The following PDIA3 variants were observed in gnomAD, a reference collection of about 807,000 sequenced individuals.
PDIA3 encodes protein disulfide isomerase family A member 3.
A neutral mutation model predicts 56.9 loss-of-function variants in PDIA3; 16 were observed. The observed-to-expected ratio is 0.28, with a 90% CI of 0.19 to 0.43. The LOEUF is 0.43. Among genes scored for constraint, PDIA3 ranks in the 20% least tolerant of loss-of-function variants. The pLI, the probability that PDIA3 is intolerant of heterozygous loss-of-function variation, is 1.00. For missense variants in PDIA3, 485 were observed against 621.3 expected (o/e 0.78, Z 2.33); for synonymous variants, 192 against 216.5 (o/e 0.89, Z 0.99).
In PDIA3 at chr15:43,769,404, G is replaced by A. The variant is rs1402203484; in HGVS notation, c.1138-114G>A. On this transcript the variant is annotated intron_variant, in intron 9 of 12. Coordinates refer to ENST00000300289, the MANE Select transcript of PDIA3 (RefSeq NM_005313.5). ...CTGTAAATGTGATTTGGGTTTCCAT[G>A]ACTTATTTTCTGTGGTAACACATCA... 3.1e-6 allele frequency: 3 copies of A among 969,368 alleles called. No homozygotes were observed. In the African/African-American group the frequency reaches 4.8e-5, roughly 16 times the overall value. The allele number at this position is 969,368 out of a possible 1,614,324, so 60.0% of individuals were successfully genotyped here.
chr15:43,759,221 C>T (rs1327626911), intron 3 of PDIA3, among the ~76,000 whole-genome samples: 8 of 151,966 alleles, frequency 5.3e-5, no homozygotes, highest in African/African-American at 1.7e-4. Context: ...ACCCTGGAGG[C>T]GGAGCTTGCA....
chr15:43,761,417 T>G lies in PDIA3; in HGVS notation c.365-7T>G. On this transcript the variant is annotated splice_region_variant and splice_polypyrimidine_tract_variant and intron_variant, in intron 3 of 12. Coordinates refer to ENST00000300289, the MANE Select transcript of PDIA3 (RefSeq NM_005313.5). ...GTGTTGTCATAACTTTTATTTTGAC[T>G]TCTAAGATGGAATTGTCAGCCACTT... is the stretch of plus-strand genomic sequence containing the variant. The G allele has an allele frequency of 6.7e-7, 1 of 1,498,626 alleles. No individual in the cohort carries two copies. The allele number at this position is 1,498,626 out of a possible 1,614,324, so 92.8% of individuals were successfully genotyped here.
At chr15:43,757,837 G>A (rs183847366) in intron 3 of PDIA3, among the ~76,000 whole-genome samples, 48 of 152,032 alleles carry the variant, frequency 3.2e-4, no homozygotes, top group Admixed American at 2.2e-3. Flanking sequence ...ACTCCAGCCT[G>A]GGCAACAGAG....
intron 4 of PDIA3, among the ~76,000 whole-genome samples, chr15:43,762,511 C>CAA (rs767755194): frequency 4.8e-4 from 27 of 55,934 alleles, no homozygotes; most frequent in African/African-American, 1.3e-3. Context: ...AACTCTGTCG[C>CAA]AAAAAAAAAA....
chr15:43,746,862 C>T (rs1227830576), intron 1 of PDIA3, 156 bp downstream of exon 1: 6 of 841,298 alleles, frequency 7.1e-6, no homozygotes, highest in African/African-American at 6.8e-5. Context: ...CTGGAGGCGC[C>T]TCGCCGAGAG....
intron 2 of PDIA3, among the ~76,000 whole-genome samples, 192 bp from the exon 3 acceptor site, chr15:43,756,457 A>G (rs1442442025): frequency 6.6e-6 from 1 of 152,226 alleles, no homozygotes; most frequent in Non-Finnish European, 1.5e-5. Flanking sequence ...TCAATTTTAA[A>G]GAATTCCTTA....
In PDIA3 at chr15:43,758,671, G is replaced by T. The variant is rs1483493849; in HGVS notation, c.364+1905G>T. Among the ~76,000 whole-genome samples the T allele has an allele frequency of 3.8e-5, 3 of 79,922 alleles. No individual in the cohort carries two copies. The Admixed American group carries it at 4.0e-4, about 11-fold the overall frequency. The allele number at this position is 79,922 out of a possible 152,430, so 52.4% of individuals were successfully genotyped here. On this transcript the variant is annotated intron_variant, in intron 3 of 12. Transcript: ENST00000300289. Reference sequence around the variant, plus strand: ...AGACTCCGTCTCAAAAAAAAAAAAAGATTGAAAAAATTAAAAATAGAAGGC... The same window carrying T: ...AGACTCCGTCTCAAAAAAAAAAAAATATTGAAAAAATTAAAAATAGAAGGC...
intron 2 of PDIA3, 98 bp from the exon 3 acceptor site, chr15:43,756,551 C>T (rs763437441): frequency 1.2e-5 from 9 of 727,188 alleles, no homozygotes; most frequent in African/African-American, 3.5e-5. Context: ...ATTCCTTGAT[C>T]CCCTTAGGAT....
chr15:43,766,397 A>G (rs1381658556), intron 7 of PDIA3, among the ~76,000 whole-genome samples: 1 of 152,226 alleles, frequency 6.6e-6, no homozygotes, highest in Non-Finnish European at 1.5e-5. Flanking sequence ...GCTTACTTGC[A>G]CATTGAGCCT....
chr15:43,749,761 C>A (rs540042113), intron 1 of PDIA3, among the ~76,000 whole-genome samples: 22 of 152,146 alleles, frequency 1.4e-4, no homozygotes, highest in East Asian at 9.7e-4. Context: ...GCAGCATGGC[C>A]AGACCCCATC....
chr15:43,767,544 G>A (rs751206778), intron 8 of PDIA3, among the ~76,000 whole-genome samples: 3 of 151,366 alleles, frequency 2.0e-5, no homozygotes, highest in Non-Finnish European at 4.4e-5. Context: ...TTGGGAGGCC[G>A]AGGCATGTGG....
chr15:43,753,458 T>C (rs1381088953), intron 1 of PDIA3, among the ~76,000 whole-genome samples: 1 of 152,236 alleles, frequency 6.6e-6, no homozygotes, highest in Non-Finnish European at 1.5e-5. Context: ...ATTTCTATTT[T>C]GTCCTTCATT....
intron 3 of PDIA3, among the ~76,000 whole-genome samples, chr15:43,759,106 C>T (rs1276257405): frequency 6.6e-6 from 1 of 152,002 alleles, no homozygotes; most frequent in Admixed American, 6.6e-5. Flanking sequence ...CTGGCTAACA[C>T]ATTGAAACCC....
chr15:43,755,954 G>A (rs1336232205), intron 2 of PDIA3, among the ~76,000 whole-genome samples: 6 of 151,788 alleles, frequency 4.0e-5, no homozygotes, highest in Non-Finnish European at 7.4e-5. Context: ...TCCTACCTGT[G>A]TGACTATAGA....
At chr15:43,754,512 T>G (rs1366300904) in intron 2 of PDIA3, among the ~76,000 whole-genome samples, 1 of 151,908 alleles carries the variant, frequency 6.6e-6, no homozygotes, top group Admixed American at 6.6e-5. Context: ...GGATGATTAC[T>G]TGAGGCCAGG....
chr15:43,751,685 G>C (rs1406890255), intron 1 of PDIA3: 2 of 1,303,764 alleles, frequency 1.5e-6, no homozygotes, highest in Non-Finnish European at 2.0e-6. Context: ...GTTTAAGGCA[G>C]TGGATTTTAG....
At chr15:43,767,384 C>T (rs2086854387) in intron 8 of PDIA3, among the ~76,000 whole-genome samples, 1 of 151,980 alleles carries the variant, frequency 6.6e-6, no homozygotes. Flanking sequence ...AAAATAAATA[C>T]ATATAGGTAC....
chr15:43,769,769 C>G, intron 10 of PDIA3, 123 bp downstream of exon 10: 1 of 1,054,800 alleles, frequency 9.5e-7, no homozygotes, highest in Non-Finnish European at 1.4e-6. Context: ...CAATTACTTG[C>G]TGTTTACTCA....
Position 43,769,544 on chromosome 15 carries a change from A to G in PDIA3, c.1164A>G (p.Glu388=). Reference sequence around the variant, plus strand: ...TAGTGGTAGCAGAGAATTTTGATGAAATAGTGAATAATGAAAATAAAGATG... The same window carrying G: ...TAGTGGTAGCAGAGAATTTTGATGAGATAGTGAATAATGAAAATAAAGATG... ...VKVVVAENFD[E]IVNNENKDVL... is the part of the protein sequence containing the mutation. Residue 388 remains glutamate, a synonymous_variant, in exon 10 of 13, where the codon GAA becomes GAG. Coordinates refer to ENST00000300289, the MANE Select transcript of PDIA3 (RefSeq NM_005313.5). 1.2e-6 allele frequency: 2 copies of G among 1,613,062 alleles called. No homozygotes were observed. Among genetic ancestry groups the G allele is most frequent in the Non-Finnish European group, 1.7e-6 (2 of 1,179,014 alleles).
Sources: allele counts gnomAD v4.1 joint callset (sites outside exome capture counted in the v4.1 genomes callset), GRCh38; gene constraint gnomAD v4.1.1; transcripts MANE v1.5; gene names NCBI Gene and HGNC (gene_info 2026-07-23, HGNC 2026-07-21).